TUBAL3: variants seen among roughly 807,000 people sequenced by gnomAD.
TUBAL3 encodes the protein tubulin alpha chain-like 3.
In TUBAL3, 16 loss-of-function variants were observed where a neutral mutation model predicts 15.5. The ratio of observed to expected loss-of-function variants is 1.04; its 90% CI spans 0.70 to 1.57. The LOEUF is 1.57. TUBAL3 is among the 40% of genes most tolerant of loss of function. The pLI, the probability that TUBAL3 is intolerant of heterozygous loss-of-function variation, is 0.00. For synonymous variants in TUBAL3, 238 were observed against 224.3 expected, an observed-to-expected ratio of 1.06 and a Z score of -0.55; for missense variants, 609 against 576.2, an observed-to-expected ratio of 1.06 and a Z score of -0.58.
Position 5,395,494 on chromosome 10 carries a change from G to T in TUBAL3, c.248-19C>A. The T allele has an allele frequency of 6.7e-7, 1 of 1,483,622 alleles. No individual in the cohort carries two copies. The highest frequency in any genetic ancestry group is 9.1e-7 in the Non-Finnish European group (1 of 1,103,902). 91.9% of individuals were successfully genotyped at this position (1,483,622 alleles called of 1,614,324 possible). On this transcript the variant is annotated intron_variant, in intron 2 of 3. Coordinates refer to ENST00000380419, the MANE Select transcript of TUBAL3 (RefSeq NM_024803.3). The surrounding 1 kb of genome is among the most constrained non-coding windows in gnomAD (Gnocchi z 4.6). The stretch of plus-strand genomic sequence containing the variant: ...ATCCCATCTGCAGAGGGTGAAAGGA[G>T]GTCAGTGCAACTCACCCAGTGCAAT...
Position 5,397,008 on chromosome 10 carries a change from C to T in TUBAL3, c.248-1533G>A, listed in dbSNP as rs986789164. ...CAAGATCTACCCCATTGAGCTGTTA[C>T]GAGAACATAGGGCACAACGCACGGC... is the stretch of plus-strand genomic sequence containing the variant. On this transcript the variant is annotated intron_variant, in intron 2 of 3. Transcript: ENST00000380419. This position sits in a 1 kb window ranked among gnomAD's most constrained non-coding sequence, Gnocchi z 4.9. 3.3e-5 allele frequency among the ~76,000 whole-genome samples: 5 copies of T among 152,242 alleles called. No homozygotes were observed. The highest frequency in any genetic ancestry group is 2.1e-4 in the South Asian group (1 of 4,820).
chr10:5,399,682 T>A lies in TUBAL3; in HGVS notation c.247+1162A>T, dbSNP rs570486289. 1.2e-4 allele frequency among the ~76,000 whole-genome samples: 18 copies of A among 152,330 alleles called. 1 individual carries two copies. Among genetic ancestry groups the A allele is most frequent in the African/African-American group, 3.8e-4 (16 of 41,592 alleles). On this transcript the variant is annotated intron_variant, in intron 2 of 3. Transcript: ENST00000380419. ...GAAGTGTTTATGGGGTTGTATTCAA[T>A]TCCTTCTTATCATGACCTTGAATTC...
Position 5,394,361 on chromosome 10 carries a change from C to T in TUBAL3, c.497G>A (p.Gly166Glu). The T allele has an allele frequency of 6.2e-7, 1 of 1,614,178 alleles. No homozygotes were observed. The highest frequency in any genetic ancestry group is 1.3e-5 in the African/African-American group (1 of 75,046). Residue 166 changes from glycine to glutamate, a missense_variant, in exon 4 of 4, where the codon GGA becomes GAA. Coordinates refer to ENST00000380419, the MANE Select transcript of TUBAL3 (RefSeq NM_024803.3). The surrounding 1 kb of genome is among the most constrained non-coding windows in gnomAD (Gnocchi z 4.3). ...CAGCTTAGTCTTTCTGCTATATTCT[C>T]CTGTGAGCCTCTCCATTAAGAGAGA... ...FTSLLMERLTGEYSRKTKLEF... is the reference protein window; with the variant it reads ...FTSLLMERLTEEYSRKTKLEF...
In TUBAL3 at chr10:5,395,759, G is replaced by C. The variant is rs1831755006; in HGVS notation, c.248-284C>G. Among the ~76,000 whole-genome samples the C allele has an allele frequency of 6.6e-6, 1 of 152,130 alleles. No individual in the cohort carries two copies. The highest frequency in any genetic ancestry group is 2.1e-4 in the South Asian group (1 of 4,820). The stretch of plus-strand genomic sequence containing the variant: ...ACAAACATCATGGCTTAAAACAATA[G>C]GAATTTATTTCCTAACAGCTCCAGA... On this transcript the variant is annotated intron_variant, in intron 2 of 3. Transcript: ENST00000380419. The surrounding 1 kb of genome is among the most constrained non-coding windows in gnomAD (Gnocchi z 4.6).
intron 1 of TUBAL3, among the ~76,000 whole-genome samples, chr10:5,403,590 T>C (rs1342387678): frequency 6.6e-6 from 1 of 152,026 alleles, no homozygotes. Context: ...TTCAAGTGAC[T>C]CAGAAAGCAG....
Position 5,393,826 on chromosome 10 carries a change from C to T in TUBAL3, c.1032G>A (p.Ser344=), listed in dbSNP as rs781816034. ...AATCTACAAACTGAACAGAGTGCCT[C>T]GACTTCGTGGCTGCGATTGCTGCAT... ...EVNAAIAATK[S]RHSVQFVDWC... is the part of the protein sequence containing the mutation. The change falls in exon 4 of 4, where the codon TCG becomes TCA. Residue 344 remains serine (S), a synonymous_variant. Coordinates refer to ENST00000380419, the MANE Select transcript of TUBAL3 (RefSeq NM_024803.3). 3.7e-5 allele frequency: 60 copies of T among 1,614,084 alleles called. No individual in the cohort carries two copies. The South Asian group carries it at 5.2e-4, about 14-fold the overall frequency.
intron 2 of TUBAL3, among the ~76,000 whole-genome samples, chr10:5,398,479 G>A (rs1312841119): frequency 2.7e-5 from 4 of 147,342 alleles, no homozygotes; most frequent in African/African-American, 1.0e-4. Flanking sequence ...TGTGCCTGTA[G>A]TCCAAGCTAC....
intron 1 of TUBAL3, among the ~76,000 whole-genome samples, chr10:5,402,803 C>G (rs1831877153): frequency 6.6e-6 from 1 of 152,240 alleles, no homozygotes; most frequent in Non-Finnish European, 1.5e-5. Flanking sequence ...GAGAATCTAA[C>G]TAATGCCTGA....
Position 5,394,245 on chromosome 10 carries a change from T to C in TUBAL3, c.613A>G (p.Thr205Ala). 1.2e-6 allele frequency: 2 copies of C among 1,614,152 alleles called. No individual in the cohort carries two copies. Among genetic ancestry groups the C allele is most frequent in the Non-Finnish European group, 1.7e-6 (2 of 1,180,026 alleles). The change falls in exon 4 of 4, where the codon ACG (threonine) becomes GCG (alanine). Residue 205 changes from threonine to alanine, a missense_variant. Coordinates refer to ENST00000380419, the MANE Select transcript of TUBAL3 (RefSeq NM_024803.3). The surrounding 1 kb of genome is among the most constrained non-coding windows in gnomAD (Gnocchi z 4.3). ...VLTTHSTTEH[T>A]DCTFMVDNEA... Reference sequence around the variant, plus strand: ...TTGTCCACCATGAAGGTACAGTCCGTGTGCTCTGTGGTGGAGTGGGTGGTG... The same window carrying C: ...TTGTCCACCATGAAGGTACAGTCCGCGTGCTCTGTGGTGGAGTGGGTGGTG...
chr10:5,393,792 T>G lies in TUBAL3; in HGVS notation c.1066A>C (p.Thr356Pro), dbSNP rs181652174. 1.2e-6 allele frequency: 2 copies of G among 1,614,188 alleles called. No individual in the cohort carries two copies. The highest frequency in any genetic ancestry group is 4.5e-5 in the East Asian group (2 of 44,886). The change falls in exon 4 of 4, where the codon ACT (threonine) becomes CCT (proline). Residue 356 changes from threonine (T) to proline (P), a missense_variant. Coordinates refer to ENST00000380419, the MANE Select transcript of TUBAL3 (RefSeq NM_024803.3). ...HSVQFVDWCPTGFKVGINNRP... is the reference protein window; with the variant it reads ...HSVQFVDWCPPGFKVGINNRP... ...TTGTTGATGCCCACCTTGAAACCAG[T>G]TGGACACCAATCTACAAACTGAACA...
Position 5,393,949 on chromosome 10 carries a change from A to G in TUBAL3, c.909T>C (p.Phe303=). ...FSVSDITTAC[F]ESSNQLVKCD... ...ACTTGACCAGCTGGTTGGAGGACTCAAAGCAGGCAGTGGTGATGTCTGACA... is the reference window on the plus strand; with the variant it reads ...ACTTGACCAGCTGGTTGGAGGACTCGAAGCAGGCAGTGGTGATGTCTGACA... Residue 303 remains phenylalanine, a synonymous_variant, in exon 4 of 4, where the codon TTT becomes TTC. Coordinates refer to ENST00000380419, the MANE Select transcript of TUBAL3 (RefSeq NM_024803.3). 6 of 1,614,184 alleles carry G rather than the reference A, an allele frequency of 3.7e-6. No homozygotes were observed. Among genetic ancestry groups the G allele is most frequent in the Non-Finnish European group, 5.1e-6 (6 of 1,180,036 alleles).
Position 5,395,955 on chromosome 10 carries a change from C to G in TUBAL3, c.248-480G>C, listed in dbSNP as rs1554814120. ...ACCTCTGGCATACAAGCCTTTTCCC[C>G]TGTATGTGTGTCTGTGCTCTCTCCT... On this transcript the variant is annotated intron_variant, in intron 2 of 3. Coordinates refer to ENST00000380419, the MANE Select transcript of TUBAL3 (RefSeq NM_024803.3). This position sits in a 1 kb window ranked among gnomAD's most constrained non-coding sequence, Gnocchi z 4.6. 6.6e-6 allele frequency among the ~76,000 whole-genome samples: 1 copy of G among 152,110 alleles called. No homozygotes were observed. Among genetic ancestry groups the G allele is most frequent in the Non-Finnish European group, 1.5e-5 (1 of 68,020 alleles).
At position 5,395,209 on chromosome 10, in the gene TUBAL3, G is replaced by C; in HGVS notation, c.396+118C>G. 1 of 1,126,856 alleles carries C rather than the reference G, an allele frequency of 8.9e-7. No homozygotes were observed. The highest frequency in any genetic ancestry group is 1.2e-6 in the Non-Finnish European group (1 of 835,678). The allele number at this position is 1,126,856 out of a possible 1,614,324, so 69.8% of individuals were successfully genotyped here. A position where few individuals can be genotyped will look rare whatever the true frequency, so the allele number is the denominator to read the frequency against. Reference sequence around the variant, plus strand: ...TCCCCAGTTCTGAGCACCCAGACCAGAGCCCAGGGAGAGACGGTTGGTGGC... The same window carrying C: ...TCCCCAGTTCTGAGCACCCAGACCACAGCCCAGGGAGAGACGGTTGGTGGC... On this transcript the variant is annotated intron_variant, in intron 3 of 3. Coordinates refer to ENST00000380419, the MANE Select transcript of TUBAL3 (RefSeq NM_024803.3). The surrounding 1 kb of genome is among the most constrained non-coding windows in gnomAD (Gnocchi z 4.6).
In TUBAL3 at chr10:5,394,303, G is replaced by T; in HGVS notation, c.555C>A (p.Ser185=). 1.2e-6 allele frequency: 2 copies of T among 1,614,178 alleles called. No individual in the cohort carries two copies. The highest frequency in any genetic ancestry group is 1.7e-6 in the Non-Finnish European group (2 of 1,180,028). The change falls in exon 4 of 4, where the codon TCC becomes TCA. Residue 185 remains serine (S), a synonymous_variant. Coordinates refer to ENST00000380419, the MANE Select transcript of TUBAL3 (RefSeq NM_024803.3). This position sits in a 1 kb window ranked among gnomAD's most constrained non-coding sequence, Gnocchi z 4.3. ...AGTTATAAGGCTCTACCACAGCAGTGGAGATCCTGGGGGCTGGGTAGACCG... is the reference window on the plus strand; with the variant it reads ...AGTTATAAGGCTCTACCACAGCAGTTGAGATCCTGGGGGCTGGGTAGACCG... ...EFSVYPAPRI[S]TAVVEPYNSV...
At chr10:5,401,363 A>G (rs1554814637) in intron 1 of TUBAL3, among the ~76,000 whole-genome samples, 1 of 152,234 alleles carries the variant, frequency 6.6e-6, no homozygotes, top group African/African-American at 2.4e-5. Context: ...GAATTGAATT[A>G]AGACAAACAC....
At chr10:5,403,705 G>A (rs1006263706) in intron 1 of TUBAL3, among the ~76,000 whole-genome samples, 14 of 150,772 alleles carry the variant, frequency 9.3e-5, no homozygotes, top group African/African-American at 3.4e-4. Context: ...CAAGGGTGTA[G>A]AAGACTATCT....
At position 5,399,671 on chromosome 10, in the gene TUBAL3, G is replaced by T. The variant is rs201843205; in HGVS notation, c.247+1173C>A. ...ATCACCCAGCTGAAGTGTTTATGGG[G>T]TTGTATTCAATTCCTTCTTATCATG... On this transcript the variant is annotated intron_variant, in intron 2 of 3. Coordinates refer to ENST00000380419, the MANE Select transcript of TUBAL3 (RefSeq NM_024803.3). Among the ~76,000 whole-genome samples, 6 of 152,182 alleles carry T rather than the reference G, an allele frequency of 3.9e-5. No individual in the cohort carries two copies. In the East Asian group the frequency reaches 1.2e-3, roughly 29 times the overall value.
intron 2 of TUBAL3, among the ~76,000 whole-genome samples, chr10:5,399,586 C>T (rs1391406643): frequency 6.6e-6 from 1 of 152,194 alleles, no homozygotes; most frequent in African/African-American, 2.4e-5. Flanking sequence ...TCCGAGTTGA[C>T]CAAGACAGGC....
chr10:5,401,168 A>G, intron 1 of TUBAL3, 81 bp from the exon 2 acceptor site: 1 of 1,556,808 alleles, frequency 6.4e-7, no homozygotes, highest in Non-Finnish European at 8.7e-7. Flanking sequence ...CTGGTTACAA[A>G]TGACAGAAAC....
Sources: gnomAD v4.1 joint callset for allele counts (sites outside exome capture counted in the v4.1 genomes callset) on GRCh38, gnomAD v4.1.1 for gene constraint, Gnocchi (gnomAD v3.1) non-coding constraint, MANE v1.5 for transcripts, NCBI Gene and HGNC (gene_info 2026-07-23, HGNC 2026-07-21) for gene names.